Variants in MEF2C observed in about 807,000 individuals in gnomAD.
MEF2C encodes myocyte-specific enhancer factor 2C.
In MEF2C, 6 loss-of-function variants were observed where a neutral mutation model predicts 50.5. That is an observed-to-expected ratio of 0.12 (90% CI 0.07 to 0.23). The LOEUF (loss-of-function observed/expected upper bound fraction) is 0.23, where lower values mean the gene tolerates loss of function less well. Ranked by LOEUF, MEF2C falls within the 10% of genes least tolerant of loss-of-function variation. MEF2C has a pLI of 1.00. For synonymous variants in MEF2C, 183 were observed against 228.0 expected (o/e 0.80, Z 1.78); for missense variants, 276 against 605.0 (o/e 0.46, Z 5.70).
At chr5:88,774,602 A>T (rs1435680062) in intron 3 of MEF2C, among the ~76,000 whole-genome samples, 1 of 152,148 alleles carries the variant, frequency 6.6e-6, no homozygotes, top group Admixed American at 6.5e-5. Flanking sequence ...TCTACCTTTT[A>T]TCTCTCCTGT....
rs138353089 is a variant in MEF2C, at chr5:88,757,246, A to C, written c.402+3939T>G. Among the ~76,000 whole-genome samples, 59 of 152,348 alleles carry C rather than the reference A, an allele frequency of 3.9e-4. No individual in the cohort carries two copies. In the Middle Eastern group the frequency reaches 0.01, roughly 26 times the overall value. Reference sequence around the variant, plus strand: ...TTTTCCCAAACTTACCACAAGGAAAAGTCCAATAAAAAAATCAAATAAAAT... The same window carrying C: ...TTTTCCCAAACTTACCACAAGGAAACGTCCAATAAAAAAATCAAATAAAAT... On this transcript the variant is annotated intron_variant, in intron 4 of 10. Coordinates refer to ENST00000504921, the MANE Select transcript of MEF2C (RefSeq NM_002397.5).
chr5:88,772,717 C>T, intron 3 of MEF2C: 1 of 984,856 alleles, frequency 1.0e-6, no homozygotes, highest in South Asian at 4.7e-5. Flanking sequence ...AAATTGATTT[C>T]TCCCTCTTCC....
At chr5:88,856,547 C>G (rs1201721850) in intron 1 of MEF2C, among the ~76,000 whole-genome samples, 3 of 152,230 alleles carry the variant, frequency 2.0e-5, no homozygotes, top group African/African-American at 7.2e-5. Flanking sequence ...CTTCCTATCA[C>G]AGGCCCAGAG....
chr5:88,864,147 TTTTG>T (rs1314524326), intron 1 of MEF2C, among the ~76,000 whole-genome samples: 1 of 51,600 alleles, frequency 1.9e-5, no homozygotes, highest in African/African-American at 1.2e-4. Flanking sequence ...CTGTTTTTTT[TTTTG>T]TTTTTTTTTT....
At chr5:88,902,411 T>C (rs940830533) in intron 1 of MEF2C, among the ~76,000 whole-genome samples, 31 of 152,032 alleles carry the variant, frequency 2.0e-4, no homozygotes, top group Admixed American at 1.6e-3. Flanking sequence ...GGTTTTAATG[T>C]TTTAAAATAG....
At chr5:88,814,457 C>A (rs1002590338) in intron 2 of MEF2C, among the ~76,000 whole-genome samples, 1 of 151,900 alleles carries the variant, frequency 6.6e-6, no homozygotes, top group East Asian at 1.9e-4. Context: ...GCATAACTTG[C>A]GAGGATGAGA....
intron 5 of MEF2C, chr5:88,749,359 C>A (rs1378905340): frequency 1.0e-5 from 10 of 984,430 alleles, no homozygotes; most frequent in Non-Finnish European, 1.2e-5. Context: ...TTAAAAAAAT[C>A]CAGTCTTTGG....
chr5:88,728,901 AT>A (rs1760148222), intron 9 of MEF2C, among the ~76,000 whole-genome samples: 1 of 152,216 alleles, frequency 6.6e-6, no homozygotes, highest in South Asian at 2.1e-4. Context: ...GTATAAAGGT[AT>A]GTACATATTT....
chr5:88,817,734 CCTAA>C (rs752750214), intron 2 of MEF2C: 2 of 151,786 alleles, frequency 1.3e-5, no homozygotes, highest in African/African-American at 2.4e-5. Flanking sequence ...TATTTTAAGC[CCTAA>C]CTGTGTTATC....
At chr5:88,727,280 C>T (rs1372083649) in intron 10 of MEF2C, among the ~76,000 whole-genome samples, 1 of 152,038 alleles carries the variant, frequency 6.6e-6, no homozygotes, top group Non-Finnish European at 1.5e-5. Flanking sequence ...AGAAAGCTGA[C>T]CAACAGTATC....
intron 1 of MEF2C, among the ~76,000 whole-genome samples, chr5:88,881,621 T>C (rs762581826): frequency 2.0e-5 from 3 of 152,142 alleles, no homozygotes; most frequent in Non-Finnish European, 4.4e-5. Flanking sequence ...CACATTTCCA[T>C]GTCCTACCAA....
chr5:88,718,993 A>G lies in MEF2C; in HGVS notation c.*3611T>C, dbSNP rs916026530. 3 of 152,226 alleles carry G rather than the reference A, an allele frequency of 2.0e-5. No individual in the cohort carries two copies. Among genetic ancestry groups the G allele is most frequent in the Admixed American group, 2.0e-4 (3 of 15,284 alleles). 9.4% of individuals were successfully genotyped at this position (152,226 alleles called of 1,614,324 possible). On this transcript the variant is annotated 3_prime_UTR_variant, in exon 11 of 11. Transcript: ENST00000504921. ...AGATGAAGTATGCCATGCTTAGGCAACAGCCTTTATTGAGGGTTCAAGTGG... is the reference window on the plus strand; with the variant it reads ...AGATGAAGTATGCCATGCTTAGGCAGCAGCCTTTATTGAGGGTTCAAGTGG...
At chr5:88,742,855 A>T (rs1217364210) in intron 6 of MEF2C, 8 of 984,382 alleles carry the variant, frequency 8.1e-6, no homozygotes, top group Non-Finnish European at 9.6e-6. Flanking sequence ...GTAGCTGCAT[A>T]CCACATGCTG....
intron 1 of MEF2C, among the ~76,000 whole-genome samples, chr5:88,871,285 C>A (rs921937884): frequency 7.9e-5 from 12 of 151,948 alleles, no homozygotes; most frequent in Admixed American, 7.9e-4. Context: ...GAGGGGGTTG[C>A]AGATGGGAAT....
intron 1 of MEF2C, chr5:88,843,366 CA>C: frequency 1.0e-6 from 1 of 985,042 alleles, no homozygotes; most frequent in Non-Finnish European, 1.2e-6. Flanking sequence ...AAAAAACCCT[CA>C]AAGGTGAACC....
Position 88,782,220 on chromosome 5 carries a change from G to A in MEF2C, c.259-20892C>T, listed in dbSNP as rs531548395. 7.6e-6 allele frequency: 7 copies of A among 917,824 alleles called. No homozygotes were observed. In the Admixed American group the frequency reaches 1.9e-4, roughly 24 times the overall value. 56.9% of individuals were successfully genotyped at this position (917,824 alleles called of 1,614,324 possible). ...ACAGTGGCTCACTCCTGTAATCCAA[G>A]CACTTGAGAGGCTGAGGTGGGAGGA... is the stretch of plus-strand genomic sequence containing the variant. On this transcript the variant is annotated intron_variant, in intron 3 of 10. Transcript: ENST00000504921.
chr5:88,804,842 C>G, intron 2 of MEF2C, 41 bp from the exon 3 acceptor site: 1 of 1,530,214 alleles, frequency 6.5e-7, no homozygotes, highest in South Asian at 1.2e-5. Flanking sequence ...AAAAAATATT[C>G]ATGCATGTGT....
chr5:88,805,700 A>G (rs928283442), intron 2 of MEF2C, among the ~76,000 whole-genome samples: 1 of 152,050 alleles, frequency 6.6e-6, no homozygotes, highest in African/African-American at 2.4e-5. Context: ...CTGGCTTTGA[A>G]AACTTCCTAC....
intron 1 of MEF2C, among the ~76,000 whole-genome samples, chr5:88,849,518 A>T (rs957698671): frequency 1.3e-5 from 2 of 152,224 alleles, no homozygotes; most frequent in Admixed American, 6.5e-5. Flanking sequence ...AAGTTTGAAC[A>T]TATTTATTCT....
Sources: gnomAD v4.1 joint callset for allele counts (sites outside exome capture counted in the v4.1 genomes callset) on GRCh38, gnomAD v4.1.1 for gene constraint, MANE v1.5 for transcripts, NCBI Gene and HGNC (gene_info 2026-07-23, HGNC 2026-07-21) for gene names.